Variants in ALPK2 observed in about 807,000 individuals in gnomAD.
The protein encoded by ALPK2 is alpha-protein kinase 2.
Under a neutral mutation model 163.1 loss-of-function variants are expected in ALPK2, and 127 were observed. The ratio of observed to expected loss-of-function variants is 0.78; its 90% CI spans 0.67 to 0.90. The LOEUF is 0.90. Among genes scored for constraint, ALPK2 ranks in the 40% least tolerant of loss-of-function variants. ALPK2 has a pLI of 0.00. For missense variants in ALPK2, 2,360 were observed against 2,589.6 expected, an observed-to-expected ratio of 0.91 and a Z score of 1.92; for synonymous variants, 953 against 959.1, an observed-to-expected ratio of 0.99 and a Z score of 0.12.
At chr18:58,575,843 G>A (rs541255406) in intron 4 of ALPK2, among the ~76,000 whole-genome samples, 1 of 152,268 alleles carries the variant, frequency 6.6e-6, no homozygotes, top group African/African-American at 2.4e-5. Flanking sequence ...ACAGCAAGAT[G>A]GCCTTGCATT....
At position 58,628,977 on chromosome 18, in the gene ALPK2, C is replaced by G. The variant is rs1258599905; in HGVS notation, c.-234G>C. 6.6e-6 allele frequency: 1 copy of G among 152,190 alleles called. No homozygotes were observed. Among genetic ancestry groups the G allele is most frequent in the Non-Finnish European group, 1.5e-5 (1 of 68,066 alleles). 9.4% of individuals were successfully genotyped at this position (152,190 alleles called of 1,614,324 possible). On this transcript the variant is annotated 5_prime_UTR_variant, in exon 1 of 13. Transcript: ENST00000361673. ...CTTCCTAAGAGGGGAAATTCCATGCCCGGGGAAGTTCTGGAAGAAGAGCAT... is the reference window on the plus strand; with the variant it reads ...CTTCCTAAGAGGGGAAATTCCATGCGCGGGGAAGTTCTGGAAGAAGAGCAT...
chr18:58,534,789 T>A (rs2051634121), intron 5 of ALPK2, 45 bp downstream of exon 5: 1 of 1,551,124 alleles, frequency 6.4e-7, no homozygotes, highest in Admixed American at 2.0e-5. Context: ...ATACCTGGTC[T>A]ACAAGCCCAA....
chr18:58,512,753 TGTG>T (rs1428740689), intron 10 of ALPK2, among the ~76,000 whole-genome samples: 3 of 145,406 alleles, frequency 2.1e-5, no homozygotes, highest in South Asian at 2.3e-4. Flanking sequence ...TGGTGTGTGT[TGTG>T]TGTATGTGTA....
intron 1 of ALPK2, among the ~76,000 whole-genome samples, chr18:58,613,704 A>AT (rs2052147821): frequency 5.8e-5 from 5 of 86,554 alleles, no homozygotes; most frequent in Admixed American, 4.1e-4. Flanking sequence ...ATCTCAAAAA[A>AT]AAAAAATAAT....
intron 12 of ALPK2, among the ~76,000 whole-genome samples, chr18:58,493,173 C>G (rs11152079): frequency 2.6e-5 from 4 of 151,848 alleles, no homozygotes; most frequent in Non-Finnish European, 5.9e-5. Flanking sequence ...AGCTGACAGG[C>G]CTGTGAGATT....
chr18:58,615,092 G>T (rs1874848585), intron 1 of ALPK2, among the ~76,000 whole-genome samples: 2 of 151,990 alleles, frequency 1.3e-5, no homozygotes, highest in South Asian at 4.2e-4. Flanking sequence ...AGGATTATAG[G>T]CAGAAGACAC....
intron 11 of ALPK2, among the ~76,000 whole-genome samples, chr18:58,499,968 G>C (rs2051423233): frequency 1.3e-5 from 2 of 152,254 alleles, no homozygotes; most frequent in Non-Finnish European, 2.9e-5. Context: ...AAGGATTAAT[G>C]CTCGGATTCA....
At chr18:58,603,170 T>G (rs928223643) in intron 3 of ALPK2, among the ~76,000 whole-genome samples, 1 of 152,240 alleles carries the variant, frequency 6.6e-6, no homozygotes, top group African/African-American at 2.4e-5. Flanking sequence ...TGTGTGAGGT[T>G]CAAGAACCCT....
chr18:58,486,659 CT>C (rs1407659518), intron 12 of ALPK2, among the ~76,000 whole-genome samples: 2 of 152,188 alleles, frequency 1.3e-5, no homozygotes, highest in Non-Finnish European at 2.9e-5. Context: ...CTTTCCCTGT[CT>C]TTCTCAGGTG....
chr18:58,624,681 C>T (rs1193614055), intron 1 of ALPK2, among the ~76,000 whole-genome samples: 5 of 152,090 alleles, frequency 3.3e-5, no homozygotes, highest in African/African-American at 9.7e-5. Flanking sequence ...CTCAAAGTCC[C>T]GACCTCAAGT....
intron 11 of ALPK2, among the ~76,000 whole-genome samples, chr18:58,499,912 C>A (rs1051491877): frequency 6.6e-6 from 1 of 152,272 alleles, no homozygotes; most frequent in African/African-American, 2.4e-5. Context: ...CCGTGGTTCC[C>A]CACCCAAGTG....
intron 8 of ALPK2, among the ~76,000 whole-genome samples, chr18:58,523,062 CCT>C (rs1367391405): frequency 6.5e-4 from 60 of 92,122 alleles, no homozygotes; most frequent in African/African-American, 2.5e-3. Context: ...AACCCTCCCC[CCT>C]CCCCCCACCC....
At chr18:58,503,699 C>T (rs952649946) in intron 11 of ALPK2, among the ~76,000 whole-genome samples, 2 of 152,080 alleles carry the variant, frequency 1.3e-5, no homozygotes, top group African/African-American at 4.8e-5. Context: ...ACCCTGTCCC[C>T]CCCTAGAATT....
chr18:58,607,194 C>A, intron 3 of ALPK2, 128 bp downstream of exon 3: 1 of 587,092 alleles, frequency 1.7e-6, no homozygotes, highest in Non-Finnish European at 2.9e-6. Flanking sequence ...AGATGCCTGC[C>A]AATGGCATCT....
intron 3 of ALPK2, among the ~76,000 whole-genome samples, chr18:58,603,590 T>C (rs1014340395): frequency 1.3e-5 from 2 of 152,150 alleles, no homozygotes; most frequent in African/African-American, 2.4e-5. Flanking sequence ...AGCCATGTGA[T>C]TGCAACCATC....
At chr18:58,499,703 G>T (rs2051421584) in intron 11 of ALPK2, among the ~76,000 whole-genome samples, 1 of 152,236 alleles carries the variant, frequency 6.6e-6, no homozygotes, top group Non-Finnish European at 1.5e-5. Context: ...AGATGCCTGG[G>T]TCCTGCCTCC....
intron 3 of ALPK2, among the ~76,000 whole-genome samples, chr18:58,604,944 C>T (rs968375274): frequency 6.6e-6 from 1 of 152,212 alleles, no homozygotes; most frequent in African/African-American, 2.4e-5. Context: ...TTCATTTATA[C>T]CCTCATCCTG....
intron 4 of ALPK2, among the ~76,000 whole-genome samples, chr18:58,553,413 A>G (rs1453394575): frequency 6.6e-6 from 1 of 152,148 alleles, no homozygotes; most frequent in Admixed American, 6.6e-5. Context: ...AGGGAATTTC[A>G]CTACAAATAG....
intron 2 of ALPK2, among the ~76,000 whole-genome samples, chr18:58,608,542 G>A (rs1044742286): frequency 2.0e-5 from 3 of 152,130 alleles, no homozygotes; most frequent in Non-Finnish European, 2.9e-5. Context: ...AGGAAAGCCT[G>A]GTATTTGGAA....
Sources: allele counts gnomAD v4.1 joint callset (sites outside exome capture counted in the v4.1 genomes callset), GRCh38; gene constraint gnomAD v4.1.1; transcripts MANE v1.5; gene names NCBI Gene and HGNC (gene_info 2026-07-23, HGNC 2026-07-21).